The following CCDC93 variants were observed in gnomAD, a reference collection of about 807,000 sequenced individuals.
CCDC93 encodes CCC complex scaffolding subunit CCDC93.
In CCDC93, 61 loss-of-function variants were observed where a neutral mutation model predicts 108.2. The ratio of observed to expected loss-of-function variants is 0.56; its 90% CI spans 0.46 to 0.70. CCDC93 has a LOEUF of 0.70. Ranked by LOEUF, CCDC93 falls within the 30% of genes least tolerant of loss-of-function variation. The pLI is 0.00. For missense variants in CCDC93, 685 were observed against 764.2 expected (o/e 0.90, Z 1.22); for synonymous variants, 276 against 260.4 (o/e 1.06, Z -0.58).
intron 23 of CCDC93, among the ~76,000 whole-genome samples, chr2:117,927,729 T>A (rs1678171235): frequency 3.3e-5 from 5 of 152,164 alleles, no homozygotes. Context: ...AAGCTACCAA[T>A]GACTTTCTTC....
At chr2:117,974,276 A>G (rs1679860376) in intron 10 of CCDC93, among the ~76,000 whole-genome samples, 1 of 152,056 alleles carries the variant, frequency 6.6e-6, no homozygotes, top group African/African-American at 2.4e-5. Context: ...TACCACCCCA[A>G]GGTCTCACCT....
intron 5 of CCDC93, 40 bp downstream of exon 5, chr2:117,996,224 G>T: frequency 1.5e-6 from 2 of 1,370,378 alleles, no homozygotes; most frequent in Non-Finnish European, 1.0e-6. Flanking sequence ...TGTGCACTCT[G>T]TTTCTCAGTG....
intron 12 of CCDC93, among the ~76,000 whole-genome samples, chr2:117,954,771 G>A (rs1402130528): frequency 6.6e-6 from 1 of 152,156 alleles, no homozygotes; most frequent in Non-Finnish European, 1.5e-5. Context: ...TAATCCCCAC[G>A]TGTCGTGGGA....
chr2:117,984,629 A>G (rs1327916098), intron 7 of CCDC93, among the ~76,000 whole-genome samples: 3 of 152,152 alleles, frequency 2.0e-5, no homozygotes, highest in Admixed American at 2.0e-4. Context: ...CCTCAGGAAA[A>G]TCCTATTTTC....
At chr2:117,995,754 T>G in intron 5 of CCDC93, 1 of 371,744 alleles carries the variant, frequency 2.7e-6, no homozygotes, top group Non-Finnish European at 4.9e-6. Flanking sequence ...AAGACGAGAG[T>G]TCTCATTTCA....
At chr2:118,007,279 T>C (rs1197613484) in intron 2 of CCDC93, among the ~76,000 whole-genome samples, 3 of 152,274 alleles carry the variant, frequency 2.0e-5, no homozygotes. Flanking sequence ...TCCCTGGCTC[T>C]ACTTTTCCCT....
intron 3 of CCDC93, among the ~76,000 whole-genome samples, chr2:118,001,823 C>T (rs1394081447): frequency 1.3e-5 from 2 of 152,188 alleles, no homozygotes; most frequent in African/African-American, 4.8e-5. Context: ...CCTGAAACCT[C>T]CTTCTCGAAT....
intron 13 of CCDC93, chr2:117,951,051 T>C (rs1397972623): frequency 8.2e-6 from 8 of 971,478 alleles, no homozygotes; most frequent in Non-Finnish European, 9.7e-6. Context: ...CTTGATTTAG[T>C]ATTTAGTATA....
chr2:117,957,715 C>A (rs769424050), intron 12 of CCDC93, among the ~76,000 whole-genome samples: 3 of 152,170 alleles, frequency 2.0e-5, no homozygotes, highest in Non-Finnish European at 2.9e-5. Context: ...GGCTAAGACC[C>A]TTCCTCCTCT....
intron 11 of CCDC93, 77 bp downstream of exon 11, chr2:117,973,831 T>C (rs971947437): frequency 2.8e-5 from 30 of 1,073,290 alleles, no homozygotes; most frequent in Middle Eastern, 2.5e-4. Context: ...ACTGCTGGGG[T>C]AGTGGGGTAA....
At chr2:117,953,645 T>C (rs191046179) in intron 12 of CCDC93, among the ~76,000 whole-genome samples, 76 of 150,098 alleles carry the variant, frequency 5.1e-4, no homozygotes, top group African/African-American at 1.7e-3. Context: ...GATTAAGTCA[T>C]GAGGGCTCCA....
intron 11 of CCDC93, among the ~76,000 whole-genome samples, chr2:117,967,479 G>A (rs1415378316): frequency 6.6e-6 from 1 of 152,186 alleles, no homozygotes; most frequent in Non-Finnish European, 1.5e-5. Flanking sequence ...TTAGTTCCCG[G>A]TATGCCCTAG....
chr2:117,988,970 A>G (rs1680398715), intron 6 of CCDC93, among the ~76,000 whole-genome samples: 1 of 152,220 alleles, frequency 6.6e-6, no homozygotes, highest in South Asian at 2.1e-4. Context: ...GTGGGTAAGA[A>G]TAAGATCACT....
intron 23 of CCDC93, among the ~76,000 whole-genome samples, chr2:117,929,800 T>C (rs572293880): frequency 6.6e-6 from 1 of 152,304 alleles, no homozygotes; most frequent in South Asian, 2.1e-4. Flanking sequence ...CCGCTCCCCA[T>C]TCCTGCACTG....
At chr2:117,928,688 G>A (rs1325036640) in intron 23 of CCDC93, among the ~76,000 whole-genome samples, 4 of 152,180 alleles carry the variant, frequency 2.6e-5, no homozygotes, top group African/African-American at 9.7e-5. Context: ...CAACCATTGT[G>A]GAAGTCAGTG....
chr2:117,940,552 G>A (rs1409448284), intron 19 of CCDC93, among the ~76,000 whole-genome samples: 1 of 152,220 alleles, frequency 6.6e-6, no homozygotes, highest in African/African-American at 2.4e-5. Context: ...AAGGCCTGAG[G>A]AGTTCCTGAA....
At chr2:117,978,340 T>C (rs1335838800) in intron 7 of CCDC93, among the ~76,000 whole-genome samples, 2 of 152,226 alleles carry the variant, frequency 1.3e-5, no homozygotes, top group African/African-American at 4.8e-5. Context: ...GAGCCACGGT[T>C]TAAGCTAAAA....
intron 11 of CCDC93, among the ~76,000 whole-genome samples, chr2:117,959,002 G>T (rs1156567992): frequency 6.6e-6 from 1 of 152,166 alleles, no homozygotes; most frequent in Non-Finnish European, 1.5e-5. Context: ...AGTTAACAGG[G>T]GATTGATTGG....
chr2:117,972,577 G>A (rs1181895371), intron 11 of CCDC93, among the ~76,000 whole-genome samples: 1 of 151,578 alleles, frequency 6.6e-6, no homozygotes, highest in African/African-American at 2.4e-5. Flanking sequence ...GCTCCCTGTA[G>A]AAACAGCAGT....
Sources: gnomAD v4.1 joint callset for allele counts (sites outside exome capture counted in the v4.1 genomes callset) on GRCh38, gnomAD v4.1.1 for gene constraint, MANE v1.5 for transcripts, NCBI Gene and HGNC (gene_info 2026-07-23, HGNC 2026-07-21) for gene names.